The following LRRTM4 variants were observed in gnomAD, a reference collection of about 807,000 sequenced individuals.
The protein encoded by LRRTM4 is leucine rich repeat transmembrane neuronal 4, also known as leucine-rich repeat transmembrane neuronal protein 4.
A neutral mutation model predicts 47.6 loss-of-function variants in LRRTM4; 25 were observed. The ratio of observed to expected loss-of-function variants is 0.53; its 90% confidence interval spans 0.38 to 0.73. The LOEUF is 0.73. LRRTM4 is among the 30% of genes least tolerant of loss of function. The probability of loss-of-function intolerance (pLI) is 0.00; values close to 1 mark genes in which losing one functional copy is unlikely to be tolerated. For missense variants in LRRTM4, 638 were observed against 713.4 expected, an observed-to-expected ratio of 0.89 and a Z score of 1.20; for synonymous variants, 311 against 269.5, an observed-to-expected ratio of 1.15 and a Z score of -1.51.
chr2:76,811,782 C>T (rs980444763), intron 3 of LRRTM4, among the ~76,000 whole-genome samples: 1 of 152,068 alleles, frequency 6.6e-6, no homozygotes, highest in Non-Finnish European at 1.5e-5. Flanking sequence ...CTGTCCTGAA[C>T]AACAGAAGGC....
chr2:77,169,423 G>A (rs969394116), intron 3 of LRRTM4, among the ~76,000 whole-genome samples: 6 of 151,956 alleles, frequency 3.9e-5, no homozygotes, highest in African/African-American at 1.5e-4. Flanking sequence ...CTCCTTAGAT[G>A]TACTTCCTGC....
At chr2:76,791,751 G>GAT (rs965304352) in intron 3 of LRRTM4, among the ~76,000 whole-genome samples, 7 of 152,182 alleles carry the variant, frequency 4.6e-5, no homozygotes, top group African/African-American at 1.4e-4. Flanking sequence ...ACATTCTACA[G>GAT]ATATACAGCA....
intron 3 of LRRTM4, among the ~76,000 whole-genome samples, chr2:76,750,678 T>A (rs1317019260): frequency 6.6e-6 from 1 of 152,200 alleles, no homozygotes; most frequent in Non-Finnish European, 1.5e-5. Flanking sequence ...TCAGCAAACT[T>A]ATTTTTAGAT....
chr2:76,948,722 G>A (rs906155254), intron 3 of LRRTM4, among the ~76,000 whole-genome samples: 2 of 151,778 alleles, frequency 1.3e-5, no homozygotes, highest in Non-Finnish European at 2.9e-5. Flanking sequence ...GCAACTGGAG[G>A]AAGTAATAAT....
At chr2:77,217,435 AATGAAATATATATATATATATATATAT>A (rs1674483327) in intron 3 of LRRTM4, among the ~76,000 whole-genome samples, 1 of 113,452 alleles carries the variant, frequency 8.8e-6, no homozygotes, top group South Asian at 3.1e-4. Context: ...TATATCTCCA[AATGAAATATATATATATATATATATAT>A]ATATATACTA....
chr2:77,424,212 G>A (rs879008274), intron 3 of LRRTM4, among the ~76,000 whole-genome samples: 21 of 152,022 alleles, frequency 1.4e-4, no homozygotes, highest in Admixed American at 1.2e-3. Context: ...GAATTCTCCT[G>A]GGCATATAGC....
chr2:76,807,471 C>T (rs6708886), intron 3 of LRRTM4, among the ~76,000 whole-genome samples: 8,311 of 96,954 alleles, frequency 0.086, 423 homozygotes, highest in African/African-American at 0.11. Context: ...TATATATATA[C>T]ATATATATAT....
intron 3 of LRRTM4, among the ~76,000 whole-genome samples, chr2:77,331,104 A>G (rs963980917): frequency 1.3e-5 from 2 of 152,188 alleles, no homozygotes; most frequent in African/African-American, 4.8e-5. Flanking sequence ...AGAGATGCAA[A>G]GAAAACACAA....
chr2:76,797,109 A>C (rs1157684974), intron 3 of LRRTM4, among the ~76,000 whole-genome samples: 2 of 152,074 alleles, frequency 1.3e-5, no homozygotes, highest in Non-Finnish European at 2.9e-5. Context: ...CAGGAAATAC[A>C]GAGAATGCCA....
At chr2:77,112,991 TA>T (rs1307152695) in intron 3 of LRRTM4, among the ~76,000 whole-genome samples, 1 of 152,102 alleles carries the variant, frequency 6.6e-6, no homozygotes, top group Non-Finnish European at 1.5e-5. Context: ...GTAATTTAGC[TA>T]AAAAATCAGG....
chr2:76,961,252 A>C (rs1675848498), intron 3 of LRRTM4, among the ~76,000 whole-genome samples: 1 of 151,424 alleles, frequency 6.6e-6, no homozygotes, highest in Admixed American at 6.6e-5. Context: ...ATCTTCGGGC[A>C]GTGAGAGGAG....
intron 3 of LRRTM4, among the ~76,000 whole-genome samples, chr2:76,995,206 T>C (rs1198113432): frequency 6.6e-6 from 1 of 152,058 alleles, no homozygotes; most frequent in Non-Finnish European, 1.5e-5. Context: ...TAATTCCTTA[T>C]TTTCATATTT....
At chr2:77,043,310 A>G (rs1679100151) in intron 3 of LRRTM4, among the ~76,000 whole-genome samples, 1 of 151,724 alleles carries the variant, frequency 6.6e-6, no homozygotes. Context: ...AGCGTGCTTA[A>G]ATTTTCTCCA....
At chr2:77,012,850 T>C (rs1383845509) in intron 3 of LRRTM4, among the ~76,000 whole-genome samples, 5 of 152,178 alleles carry the variant, frequency 3.3e-5, no homozygotes, top group Non-Finnish European at 7.3e-5. Context: ...CCACCACGGA[T>C]ATATAATACC....
intron 3 of LRRTM4, among the ~76,000 whole-genome samples, chr2:77,164,781 A>G (rs989000470): frequency 6.6e-6 from 1 of 152,212 alleles, no homozygotes; most frequent in Non-Finnish European, 1.5e-5. Context: ...CAAAGACACA[A>G]CATGCCAAAA....
At chr2:77,001,439 C>T (rs1357225013) in intron 3 of LRRTM4, among the ~76,000 whole-genome samples, 1 of 152,128 alleles carries the variant, frequency 6.6e-6, no homozygotes, top group Admixed American at 6.6e-5. Context: ...GAATGCAATA[C>T]AACATTCCTA....
chr2:77,036,622 G>A (rs1010450907), intron 3 of LRRTM4, among the ~76,000 whole-genome samples: 12 of 151,578 alleles, frequency 7.9e-5, no homozygotes, highest in African/African-American at 2.2e-4. Context: ...AAAATATTAC[G>A]TATTCTGTGG....
At chr2:76,794,972 G>T (rs1319298945) in intron 3 of LRRTM4, among the ~76,000 whole-genome samples, 1 of 151,974 alleles carries the variant, frequency 6.6e-6, no homozygotes, top group Non-Finnish European at 1.5e-5. Flanking sequence ...TTAATCTAAG[G>T]GTGGCTGTAA....
chr2:77,421,503 C>A (rs879663139), intron 3 of LRRTM4, among the ~76,000 whole-genome samples: 1 of 152,002 alleles, frequency 6.6e-6, no homozygotes, highest in Admixed American at 6.6e-5. Flanking sequence ...GTCAGGAGAT[C>A]GAGACCATCC....
Sources: gnomAD v4.1 joint callset for allele counts (sites outside exome capture counted in the v4.1 genomes callset) on GRCh38, gnomAD v4.1.1 for gene constraint, MANE v1.5 for transcripts, NCBI Gene and HGNC (gene_info 2026-07-23, HGNC 2026-07-21) for gene names.